EN2: variants seen among roughly 807,000 people sequenced by gnomAD.
EN2 encodes the protein engrailed homeobox 2.
A neutral mutation model predicts 25.0 loss-of-function variants in EN2; 7 were observed. The observed-to-expected ratio is 0.28, with a 90% CI of 0.16 to 0.53. The LOEUF is 0.53. EN2 is among the 20% of genes least tolerant of loss of function. The pLI, the probability that EN2 is intolerant of heterozygous loss-of-function variation, is 0.96. For missense variants in EN2, 524 were observed against 501.8 expected (o/e 1.04, Z -0.42); for synonymous variants, 277 against 243.3 (o/e 1.14, Z -1.29).
In EN2 at chr7:155,460,547, C is replaced by G. The variant is rs983792749; in HGVS notation, c.685+1485C>G. Among the ~76,000 whole-genome samples, 7 of 152,134 alleles carry G rather than the reference C, an allele frequency of 4.6e-5. No individual in the cohort carries two copies. The South Asian group carries it at 8.3e-4, about 18-fold the overall frequency. On this transcript the variant is annotated intron_variant, in intron 1 of 1. Coordinates refer to ENST00000297375, the MANE Select transcript of EN2 (RefSeq NM_001427.4). ...TTATTATTTTAGGGAAATTTATTGC[C>G]ATAAAATGGTGTCCTTTTGCGGGCT...
chr7:155,462,636 C>T lies in EN2; in HGVS notation c.951C>T (p.Gly317=), dbSNP rs748785870. 6.2e-7 allele frequency: 1 copy of T among 1,610,474 alleles called. No individual in the cohort carries two copies. The highest frequency in any genetic ancestry group is 1.7e-5 in the Admixed American group (1 of 59,334). The change falls in exon 2 of 2, where the codon GGC becomes GGT. Residue 317 remains glycine, a synonymous_variant. Transcript: ENST00000297375. ...NTLAVHLMAQ[G]LYNHSTTAKE... ...TGGCCGTGCACCTCATGGCACAGGG[C>T]TTGTACAACCACTCCACCACAGCCA...
In EN2 at chr7:155,460,122, G is replaced by C. The variant is rs73734524; in HGVS notation, c.685+1060G>C. On this transcript the variant is annotated intron_variant, in intron 1 of 1. Transcript: ENST00000297375. ...GGGCCGCCATCCCGCAGAACTATGC[G>C]TGCATATTTCTGATGAAATTCAGAT... Among the ~76,000 whole-genome samples, 1,033 of 152,310 alleles carry C rather than the reference G, an allele frequency of 6.8e-3. 9 individuals carry two copies. Among genetic ancestry groups the C allele is most frequent in the African/African-American group, 0.023 (955 of 41,580 alleles).
chr7:155,462,973 T>A lies in EN2; in HGVS notation c.*286T>A, dbSNP rs1430569657. ...GGCTGCTTAGGGTTTCACCTTTTTTTAATCCCCTAAGCTCCATTATATGAC... is the reference window on the plus strand; with the variant it reads ...GGCTGCTTAGGGTTTCACCTTTTTTAAATCCCCTAAGCTCCATTATATGAC... On this transcript the variant is annotated 3_prime_UTR_variant, in exon 2 of 2. Coordinates refer to ENST00000297375, the MANE Select transcript of EN2 (RefSeq NM_001427.4). 2 of 288,850 alleles carry A rather than the reference T, an allele frequency of 6.9e-6. No homozygotes were observed. The highest frequency in any genetic ancestry group is 2.2e-5 in the African/African-American group (1 of 45,418). 17.9% of individuals were successfully genotyped at this position (288,850 alleles called of 1,614,324 possible).
Position 155,464,384 on chromosome 7 carries a change from C to A in EN2, c.*1697C>A, listed in dbSNP as rs930468327. On this transcript the variant is annotated 3_prime_UTR_variant, in exon 2 of 2. Transcript: ENST00000297375. ...CACGGCTGACCCAGGGGTGTGCACACGGCTGAGCTGGGAGTCCCGCTGGTC... is the reference window on the plus strand; with the variant it reads ...CACGGCTGACCCAGGGGTGTGCACAAGGCTGAGCTGGGAGTCCCGCTGGTC... 6.6e-6 allele frequency: 1 copy of A among 152,564 alleles called. No homozygotes were observed. Among genetic ancestry groups the A allele is most frequent in the Non-Finnish European group, 1.5e-5 (1 of 68,058 alleles). The allele number at this position is 152,564 out of a possible 1,614,324, so 9.5% of individuals were successfully genotyped here. A position where few individuals can be genotyped will look rare whatever the true frequency, so the allele number is the denominator to read the frequency against.
In EN2 at chr7:155,459,011, C is replaced by G. The variant is rs759469005; in HGVS notation, c.634C>G (p.Leu212Val). The G allele has an allele frequency of 1.9e-6, 3 of 1,573,624 alleles. No individual in the cohort carries two copies. The highest frequency in any genetic ancestry group is 1.7e-6 in the Non-Finnish European group (2 of 1,169,138). ...AGANLGAQPM[L>V]WPAWVYCTRY... ...CGCCAACCTGGGCGCGCAGCCCATG[C>G]TCTGGCCGGCGTGGGTCTACTGTAC... The change falls in exon 1 of 2, where the codon CTC becomes GTC. Residue 212 changes from leucine (L) to valine (V), a missense_variant. Physicochemically the swap from Leu to Val is conservative, Grantham distance 32. Transcript: ENST00000297375.
At chr7:155,460,720 A>C (rs1284888807) in intron 1 of EN2, among the ~76,000 whole-genome samples, 4 of 151,942 alleles carry the variant, frequency 2.6e-5, no homozygotes, top group Non-Finnish European at 5.9e-5. Flanking sequence ...CCCATCCCCC[A>C]CCACCGTTCC....
rs745380430 is a variant in EN2 at position 155,462,421 on chromosome 7, C to A, written c.736C>A (p.Arg246=). The change falls in exon 2 of 2, where the codon CGG becomes AGG. Residue 246 remains arginine (R), a synonymous_variant. Transcript: ENST00000297375. ...KKKNPNKEDK[R]PRTAFTAEQL... is the part of the protein sequence containing the mutation. ...GAAGAACCCGAACAAAGAGGACAAG[C>A]GGCCGCGCACGGCCTTTACCGCCGA... The A allele has an allele frequency of 2.5e-6, 4 of 1,613,742 alleles. No individual in the cohort carries two copies. The highest frequency in any genetic ancestry group is 3.4e-6 in the Non-Finnish European group (4 of 1,180,008).
In EN2 at chr7:155,464,824, A is replaced by G. The variant is rs1156592359; in HGVS notation, c.*2137A>G. ...TTAAATAAAACAAAATCTCTTTATT[A>G]TAAAATACTGAAGGTCCCAGGTGGA... On this transcript the variant is annotated 3_prime_UTR_variant, in exon 2 of 2. Transcript: ENST00000297375. 2 of 152,242 alleles carry G rather than the reference A, an allele frequency of 1.3e-5. No individual in the cohort carries two copies. Among genetic ancestry groups the G allele is most frequent in the Non-Finnish European group, 2.9e-5 (2 of 68,034 alleles). 9.4% of individuals were successfully genotyped at this position (152,242 alleles called of 1,614,324 possible). A position where few individuals can be genotyped will look rare whatever the true frequency, so the allele number is the denominator to read the frequency against.
In EN2 at chr7:155,458,695, G is replaced by C; in HGVS notation, c.318G>C (p.Ala106=). ...GCGGAGCCGGCGGCGAAGGCGGCGC[G>C]AGCGGTGCGGAGGGAGGCGGCGGCG... ...RGGGAGGEGG[A]SGAEGGGGAG... Residue 106 remains alanine (A), a synonymous_variant, in exon 1 of 2, where the codon GCG becomes GCC. Transcript: ENST00000297375. 1 of 1,339,334 alleles carries C rather than the reference G, an allele frequency of 7.5e-7. No homozygotes were observed. The highest frequency in any genetic ancestry group is 9.5e-7 in the Non-Finnish European group (1 of 1,052,984). 83.0% of individuals were successfully genotyped at this position (1,339,334 alleles called of 1,614,324 possible). A position where few individuals can be genotyped will look rare whatever the true frequency, so the allele number is the denominator to read the frequency against.
intron 1 of EN2, among the ~76,000 whole-genome samples, chr7:155,461,729 G>A (rs1372166582): frequency 1.3e-5 from 2 of 152,182 alleles, no homozygotes; most frequent in African/African-American, 2.4e-5. Context: ...TCCCCACCAA[G>A]GAGGGAAGTA....
intron 1 of EN2, among the ~76,000 whole-genome samples, chr7:155,460,317 C>T (rs1174484895): frequency 6.6e-6 from 1 of 152,146 alleles, no homozygotes; most frequent in Non-Finnish European, 1.5e-5. Context: ...CAGCACCGCC[C>T]GGCCCGGCCT....
rs2116598094 is a variant in EN2, at chr7:155,458,534, G to C, written c.157G>C (p.Val53Leu). Residue 53 changes from valine (V) to leucine (L), a missense_variant, in exon 1 of 2, where the codon GTC (valine) becomes CTC (leucine). Val to Leu is a conservative substitution (Grantham distance 32). Transcript: ENST00000297375. The stretch of plus-strand genomic sequence containing the variant: ...CCGGCGGGCTCTGATGCTGCCCGCG[G>C]TCCTGCAGGCGCCCGGCAACCACCA... ...GRRRALMLPA[V>L]LQAPGNHQHP... 2 of 1,399,146 alleles carry C rather than the reference G, an allele frequency of 1.4e-6. No homozygotes were observed. Among genetic ancestry groups the C allele is most frequent in the East Asian group, 6.0e-5 (2 of 33,264 alleles). 86.7% of individuals were successfully genotyped at this position (1,399,146 alleles called of 1,614,324 possible). A position where few individuals can be genotyped will look rare whatever the true frequency, so the allele number is the denominator to read the frequency against.
At position 155,464,094 on chromosome 7, in the gene EN2, T is replaced by C; in HGVS notation, c.*1407T>C. The C allele has an allele frequency of 6.6e-6, 1 of 152,190 alleles. No individual in the cohort carries two copies. Among genetic ancestry groups the C allele is most frequent in the East Asian group, 1.9e-4 (1 of 5,202 alleles). 9.4% of individuals were successfully genotyped at this position (152,190 alleles called of 1,614,324 possible). A position where few individuals can be genotyped will look rare whatever the true frequency, so the allele number is the denominator to read the frequency against. ...CAAAAGAACTCAGAATCCTCCAGGATCTAGAAGAAGGAAGAAAGTGTGTAA... is the reference window on the plus strand; with the variant it reads ...CAAAAGAACTCAGAATCCTCCAGGACCTAGAAGAAGGAAGAAAGTGTGTAA... On this transcript the variant is annotated 3_prime_UTR_variant, in exon 2 of 2. Coordinates refer to ENST00000297375, the MANE Select transcript of EN2 (RefSeq NM_001427.4).
At chr7:155,460,678 A>G (rs1168849467) in intron 1 of EN2, among the ~76,000 whole-genome samples, 1 of 152,176 alleles carries the variant, frequency 6.6e-6, no homozygotes, top group African/African-American at 2.4e-5. Context: ...CTCTGGGAGC[A>G]GGAGGCTGGG....
In EN2 at chr7:155,458,756, C is replaced by G. The variant is rs1237729077; in HGVS notation, c.379C>G (p.Arg127Gly). ...GGAGCAGCTCTTGGGCTCGGGCTCCCGAGAGCCCCGGCAGAACCCGCCATG... is the reference window on the plus strand; with the variant it reads ...GGAGCAGCTCTTGGGCTCGGGCTCCGGAGAGCCCCGGCAGAACCCGCCATG... ...GSEQLLGSGS[R>G]EPRQNPPCAP... Residue 127 changes from arginine to glycine, a missense_variant, in exon 1 of 2, where the codon CGA becomes GGA. Physicochemically the swap from Arg to Gly is moderately radical, Grantham distance 125 (BLOSUM62 -2). Coordinates refer to ENST00000297375, the MANE Select transcript of EN2 (RefSeq NM_001427.4). The G allele has an allele frequency of 2.9e-6, 4 of 1,364,518 alleles. No individual in the cohort carries two copies. The highest frequency in any genetic ancestry group is 2.6e-4 in the Middle Eastern group (1 of 3,788). The allele number at this position is 1,364,518 out of a possible 1,614,324, so 84.5% of individuals were successfully genotyped here.
Position 155,463,297 on chromosome 7 carries a change from G to A in EN2, c.*610G>A, listed in dbSNP as rs56651365. 0.05 allele frequency: 7,567 copies of A among 152,634 alleles called. 336 individuals carry two copies. Among genetic ancestry groups the A allele is most frequent in the Admixed American group, 0.14 (2,146 of 15,288 alleles). 9.5% of individuals were successfully genotyped at this position (152,634 alleles called of 1,614,324 possible). ...ATTTGGCCCTGGGAAGCAGCCCAGC[G>A]TACCCCAGGCCTGCTCTGGGAAGTC... On this transcript the variant is annotated 3_prime_UTR_variant, in exon 2 of 2. Transcript: ENST00000297375.
intron 1 of EN2, among the ~76,000 whole-genome samples, chr7:155,460,017 C>T (rs2116600558): frequency 6.6e-6 from 1 of 152,340 alleles, no homozygotes; most frequent in African/African-American, 2.4e-5. Flanking sequence ...GAGCTGGCAG[C>T]GGATCCCCGC....
Position 155,458,212 on chromosome 7 carries a change from G to C in EN2, c.-166G>C, listed in dbSNP as rs1392362823. The C allele has an allele frequency of 1.5e-5, 14 of 936,188 alleles. No homozygotes were observed. In the South Asian group the frequency reaches 4.6e-4, roughly 31 times the overall value. The allele number at this position is 936,188 out of a possible 1,614,324, so 58.0% of individuals were successfully genotyped here. ...TCAAAGGTGGCTCCGCGCCGAGCGC[G>C]GCCGGCGACTTGTAGGACCTCAGCC... On this transcript the variant is annotated 5_prime_UTR_variant, in exon 1 of 2. Transcript: ENST00000297375.
Position 155,462,591 on chromosome 7 carries a change from C to G in EN2, c.906C>G (p.Ala302=). 1 of 1,614,110 alleles carries G rather than the reference C, an allele frequency of 6.2e-7. No homozygotes were observed. Among genetic ancestry groups the G allele is most frequent in the Admixed American group, 1.7e-5 (1 of 60,028 alleles). Residue 302 remains alanine, a synonymous_variant, in exon 2 of 2, where the codon GCC becomes GCG. Transcript: ENST00000297375. The stretch of plus-strand genomic sequence containing the variant: ...ACAAGCGCGCCAAGATCAAGAAGGC[C>G]ACGGGCAACAAGAACACGCTGGCCG... ...FQNKRAKIKK[A]TGNKNTLAVH...
Sources: gnomAD v4.1 joint callset for allele counts (sites outside exome capture counted in the v4.1 genomes callset) on GRCh38, gnomAD v4.1.1 for gene constraint, MANE v1.5 for transcripts, NCBI Gene and HGNC (gene_info 2026-07-23, HGNC 2026-07-21) for gene names.